Variants in KSR1 observed in about 807,000 individuals in gnomAD.
KSR1 encodes kinase suppressor of ras 1, also known as kinase suppressor of ras.
A neutral mutation model predicts 92.9 loss-of-function variants in KSR1; 35 were observed. The ratio of observed to expected loss-of-function variants is 0.38; its 90% CI spans 0.29 to 0.50. The LOEUF (loss-of-function observed/expected upper bound fraction) is 0.50, where lower values mean the gene tolerates loss of function less well. Among genes scored for constraint, KSR1 ranks in the 20% least tolerant of loss-of-function variants. The pLI, the probability that KSR1 is intolerant of heterozygous loss-of-function variation, is 0.94. For synonymous variants in KSR1, 467 were observed against 472.6 expected (o/e 0.99, Z 0.15); for missense variants, 972 against 1,158.5 (o/e 0.84, Z 2.34).
intron 1 of KSR1, chr17:27,465,182 A>G (rs1378031698): frequency 2.0e-5 from 3 of 152,226 alleles, no homozygotes; most frequent in Non-Finnish European, 4.4e-5. Context: ...GCATTGAAAA[A>G]GTCTCCATTC....
chr17:27,506,568 G>A (rs2069390275), intron 1 of KSR1, among the ~76,000 whole-genome samples: 1 of 152,198 alleles, frequency 6.6e-6, no homozygotes, highest in African/African-American at 2.4e-5. Context: ...TCTCTGGAGA[G>A]AGCAGACTTG....
At chr17:27,551,622 T>C (rs764901891) in intron 2 of KSR1, among the ~76,000 whole-genome samples, 10 of 152,124 alleles carry the variant, frequency 6.6e-5, no homozygotes, top group Non-Finnish European at 8.8e-5. Flanking sequence ...TGGACTGTCC[T>C]GTAAGGTAGT....
chr17:27,611,568 T>C lies in KSR1; in HGVS notation c.2432T>C (p.Ile811Thr). Residue 811 changes from isoleucine to threonine, a missense_variant, in exon 18 of 21, where the codon ATT (isoleucine) becomes ACT (threonine). Ile to Thr is a moderately conservative substitution (Grantham distance 89). This residue lies in a region of KSR1 where 260 missense variants were observed against 375.2 expected (regional missense o/e 0.69). Coordinates refer to ENST00000644974, the MANE Select transcript of KSR1 (RefSeq NM_001394583.1). The part of the protein sequence containing the change: ...NQAAEASIWQ[I>T]GSGEGMKRVL... Reference sequence around the variant, plus strand: ...GCTGCAGAGGCATCCATCTGGCAGATTGGAAGCGGGGAAGGAATGAAGCGT... The same window carrying C: ...GCTGCAGAGGCATCCATCTGGCAGACTGGAAGCGGGGAAGGAATGAAGCGT... The C allele has an allele frequency of 6.2e-7, 1 of 1,613,714 alleles. No homozygotes were observed. The highest frequency in any genetic ancestry group is 8.5e-7 in the Non-Finnish European group (1 of 1,179,738).
intron 1 of KSR1, among the ~76,000 whole-genome samples, chr17:27,468,438 GT>G (rs1336697091): frequency 6.6e-6 from 1 of 151,908 alleles, no homozygotes; most frequent in Non-Finnish European, 1.5e-5. Context: ...GTTTCACCAT[GT>G]TGGCCAGGCC....
intron 1 of KSR1, among the ~76,000 whole-genome samples, chr17:27,521,193 A>G (rs2070012872): frequency 6.6e-6 from 1 of 152,142 alleles, no homozygotes. Flanking sequence ...CTCTATATGT[A>G]TACCCGCTCC....
rs1284153781 is a variant in KSR1 at position 27,559,894 on chromosome 17, C to CA, written c.372+9187dup. Among the ~76,000 whole-genome samples the CA allele has an allele frequency of 1.3e-5, 2 of 152,178 alleles. No homozygotes were observed. Among genetic ancestry groups the CA allele is most frequent in the Non-Finnish European group, 2.9e-5 (2 of 68,034 alleles). ...GGATTCCTGCAGCTCTCCCTGTGTG[C>CA]AGTGTAGGGGTTGGGGCTCCTCTTA... On this transcript the variant is annotated intron_variant, in intron 2 of 20. Coordinates refer to ENST00000644974, the MANE Select transcript of KSR1 (RefSeq NM_001394583.1). This position sits in a 1 kb window ranked among gnomAD's most constrained non-coding sequence, Gnocchi z 4.2.
rs1022736656 is a variant in KSR1 at position 27,533,261 on chromosome 17, G to A, written c.232-17307G>A. ...ATAGGGCGTCTCTCACAGGTTTGTT[G>A]CAAGGATTAAGTGAGTTAATTCAGT... is the stretch of plus-strand genomic sequence containing the variant. On this transcript the variant is annotated intron_variant, in intron 1 of 20. Coordinates refer to ENST00000644974, the MANE Select transcript of KSR1 (RefSeq NM_001394583.1). Among the ~76,000 whole-genome samples, 12 of 152,190 alleles carry A rather than the reference G, an allele frequency of 7.9e-5. 1 individual carries two copies. In the South Asian group the frequency reaches 2.5e-3, roughly 32 times the overall value.
chr17:27,620,902 C>A (rs2074205327), intron 19 of KSR1: 1 of 290,576 alleles, frequency 3.4e-6, no homozygotes, highest in Non-Finnish European at 6.3e-6. Flanking sequence ...CTGCCCAGCC[C>A]CTTCGAGGAA....
intron 1 of KSR1, among the ~76,000 whole-genome samples, chr17:27,503,845 C>T (rs776425477): frequency 7.2e-5 from 11 of 152,080 alleles, no homozygotes; most frequent in African/African-American, 1.9e-4. Flanking sequence ...AGGTGCGGGT[C>T]GGAGCTCCTA....
chr17:27,621,081 C>T (rs1437101425), intron 19 of KSR1, 112 bp from the exon 20 acceptor site: 2 of 397,960 alleles, frequency 5.0e-6, no homozygotes, highest in Non-Finnish European at 8.9e-6. Context: ...TCATCTCCCA[C>T]TTTCCCATCA....
chr17:27,617,306 G>T lies in KSR1; in HGVS notation c.2505G>T (p.Ser835=), dbSNP rs541473848. The T allele has an allele frequency of 6.2e-7, 1 of 1,606,560 alleles. No individual in the cohort carries two copies. Among genetic ancestry groups the T allele is most frequent in the Non-Finnish European group, 8.5e-7 (1 of 1,175,010 alleles). ...SLGKEVSEIL[S]ACWAFDLQER... ...AGCTCCATTTGCAGGAGATCCTGTCGGCCTGCTGGGCTTTCGACCTGCAGG... is the reference window on the plus strand; with the variant it reads ...AGCTCCATTTGCAGGAGATCCTGTCTGCCTGCTGGGCTTTCGACCTGCAGG... The change falls in exon 19 of 21, where the codon TCG becomes TCT. Residue 835 remains serine, a synonymous_variant. Coordinates refer to ENST00000644974, the MANE Select transcript of KSR1 (RefSeq NM_001394583.1).
intron 1 of KSR1, among the ~76,000 whole-genome samples, chr17:27,538,715 A>T (rs1457564190): frequency 6.6e-6 from 1 of 152,186 alleles, no homozygotes; most frequent in Non-Finnish European, 1.5e-5. Flanking sequence ...CTGGGAGCTG[A>T]TATTAGGTGG....
At chr17:27,522,529 T>C (rs1160204134) in intron 1 of KSR1, among the ~76,000 whole-genome samples, 4 of 152,232 alleles carry the variant, frequency 2.6e-5, no homozygotes, top group African/African-American at 9.6e-5. Flanking sequence ...GAGGTGTTTC[T>C]TTCCAGCAGA....
At chr17:27,618,787 A>G (rs1429917824) in intron 19 of KSR1, among the ~76,000 whole-genome samples, 3 of 152,238 alleles carry the variant, frequency 2.0e-5, no homozygotes, top group African/African-American at 7.2e-5. Flanking sequence ...CTGTAGGTCA[A>G]GTATGGCCTG....
chr17:27,502,690 T>A (rs1015432322), intron 1 of KSR1, among the ~76,000 whole-genome samples: 2 of 152,202 alleles, frequency 1.3e-5, no homozygotes, highest in African/African-American at 4.8e-5. Context: ...GTCAGCACAT[T>A]CCAGAACCTA....
chr17:27,502,784 C>T (rs1210297613), intron 1 of KSR1, among the ~76,000 whole-genome samples: 1 of 152,248 alleles, frequency 6.6e-6, no homozygotes, highest in Non-Finnish European at 1.5e-5. Context: ...CTGCAGCAGC[C>T]TTCCAGCGTT....
At chr17:27,526,437 G>A (rs377539482) in intron 1 of KSR1, 2 of 1,567,390 alleles carry the variant, frequency 1.3e-6, no homozygotes, top group Non-Finnish European at 1.7e-6. Context: ...GCCATTCCTT[G>A]GTAAAAGTTT....
intron 1 of KSR1, among the ~76,000 whole-genome samples, chr17:27,515,286 G>A (rs1366850656): frequency 6.6e-6 from 1 of 152,160 alleles, no homozygotes; most frequent in Non-Finnish European, 1.5e-5. Flanking sequence ...TTATAGTACT[G>A]TATTTTTGCT....
At position 27,582,932 on chromosome 17, in the gene KSR1, C is replaced by T; in HGVS notation, c.807C>T (p.Ile269=). 1 of 1,611,816 alleles carries T rather than the reference C, an allele frequency of 6.2e-7. No homozygotes were observed. Among genetic ancestry groups the T allele is most frequent in the Non-Finnish European group, 8.5e-7 (1 of 1,179,006 alleles). Reference sequence around the variant, plus strand: ...CCCCCCGTGCCCTGCACAGCTTCATCACCCCGCCCACCACACCCCAGCTGC... The same window carrying T: ...CCCCCCGTGCCCTGCACAGCTTCATTACCCCGCCCACCACACCCCAGCTGC... ...RLTPRALHSF[I]TPPTTPQLRR... is the part of the protein sequence containing the mutation. Residue 269 remains isoleucine, a synonymous_variant, in exon 4 of 21, where the codon ATC becomes ATT. Transcript: ENST00000644974.
Sources: allele counts gnomAD v4.1 joint callset (sites outside exome capture counted in the v4.1 genomes callset), GRCh38; gene constraint gnomAD v4.1.1; regional missense constraint gnomAD v4.1.1; non-coding constraint Gnocchi (gnomAD v3.1); transcripts MANE v1.5; gene names NCBI Gene and HGNC (gene_info 2026-07-23, HGNC 2026-07-21).